Variants in GTF2IRD2 observed in about 807,000 individuals in gnomAD.
GTF2IRD2 encodes the protein GTF2I repeat domain containing 2, also known as general transcription factor II-I repeat domain-containing protein 2A.
Under a neutral mutation model 49.2 loss-of-function variants are expected in GTF2IRD2, and 8 were observed. The ratio of observed to expected loss-of-function variants is 0.16; its 90% CI spans 0.10 to 0.29. The LOEUF (loss-of-function observed/expected upper bound fraction) is 0.29. GTF2IRD2 is among the 10% of genes least tolerant of loss of function. The pLI is 1.00. For synonymous variants in GTF2IRD2, 47 were observed against 289.7 expected (o/e 0.16, Z 8.51); for missense variants, 130 against 725.7 (o/e 0.18, Z 9.43).
intron 4 of GTF2IRD2, among the ~76,000 whole-genome samples, chr7:74,823,832 T>G: frequency 7.0e-6 from 1 of 142,854 alleles, no homozygotes; most frequent in Admixed American, 7.1e-5. Flanking sequence ...AGATCCAAGA[T>G]CCACATCATC....
chr7:74,829,887 C>CAAAAAAACAAAAAAAA (rs199938539), intron 3 of GTF2IRD2, among the ~76,000 whole-genome samples: 1 of 59,830 alleles, frequency 1.7e-5, no homozygotes, highest in Non-Finnish European at 3.3e-5. Context: ...GATTCTGTCT[C>CAAAAAAACAAAAAAAA]AAAAAAAAAA....
chr7:74,822,585 T>C, intron 5 of GTF2IRD2, 39 bp downstream of exon 5: 1 of 567,990 alleles, frequency 1.8e-6, no homozygotes, highest in Non-Finnish European at 3.1e-6. Flanking sequence ...GGTTTCATCT[T>C]TAAATGAACT....
chr7:74,839,155 G>C (rs1800560454), intron 1 of GTF2IRD2, among the ~76,000 whole-genome samples: 1 of 28,558 alleles, frequency 3.5e-5, no homozygotes, highest in Non-Finnish European at 5.7e-5. Flanking sequence ...CAACTCCTGG[G>C]CTCAAGCGAT....
chr7:74,812,349 G>A (rs1394178817), intron 9 of GTF2IRD2, among the ~76,000 whole-genome samples: 1 of 44,588 alleles, frequency 2.2e-5, no homozygotes, highest in African/African-American at 4.2e-5. Context: ...TGGAAATAGT[G>A]CCACTGAACT....
intron 1 of GTF2IRD2, among the ~76,000 whole-genome samples, chr7:74,840,753 T>C (rs1321904111): frequency 1.4e-5 from 2 of 138,332 alleles, no homozygotes; most frequent in Admixed American, 1.5e-4. Context: ...CCTGATGCAC[T>C]GGTCCCCACG....
chr7:74,818,461 T>C (rs1177453927), intron 8 of GTF2IRD2, among the ~76,000 whole-genome samples: 20 of 139,884 alleles, frequency 1.4e-4, no homozygotes, highest in South Asian at 2.3e-4. Flanking sequence ...TCTCTCTCTT[T>C]TTTTTTTTTT....
At chr7:74,847,500 T>C (rs1801382324) in intron 1 of GTF2IRD2, among the ~76,000 whole-genome samples, 1 of 18,834 alleles carries the variant, frequency 5.3e-5, no homozygotes, top group African/African-American at 2.5e-4. Flanking sequence ...GAGTTCCATA[T>C]CAGCCTGGCC....
intron 1 of GTF2IRD2, among the ~76,000 whole-genome samples, chr7:74,850,384 A>C (rs1405477337): frequency 4.1e-5 from 1 of 24,462 alleles, no homozygotes; most frequent in African/African-American, 1.7e-4. Flanking sequence ...GAAATTACCC[A>C]AATAGCCATC....
intron 8 of GTF2IRD2, chr7:74,818,778 A>T (rs1408030326): frequency 1.3e-5 from 2 of 151,026 alleles, no homozygotes; most frequent in Admixed American, 6.6e-5. Flanking sequence ...ATTTGAGTAA[A>T]ATAATGGTTC....
intron 3 of GTF2IRD2, among the ~76,000 whole-genome samples, chr7:74,831,082 T>C (rs1554420319): frequency 1.3e-5 from 2 of 150,400 alleles, no homozygotes; most frequent in African/African-American, 4.9e-5. Context: ...ATCAATTACA[T>C]ACTGTATTAT....
intron 15 of GTF2IRD2, among the ~76,000 whole-genome samples, 190 bp from the exon 16 acceptor site, chr7:74,798,455 T>C (rs782232503): frequency 1.3e-5 from 2 of 151,798 alleles, no homozygotes; most frequent in Admixed American, 6.6e-5. Flanking sequence ...GCTGCCAGGA[T>C]GCCAGCTGTG....
Position 74,797,113 on chromosome 7 carries a change from C to G in GTF2IRD2, c.2399G>C (p.Arg800Thr). The change falls in exon 16 of 16, where the codon AGG becomes ACG. Residue 800 changes from arginine to threonine, a missense_variant. Physicochemically the swap from Arg to Thr is moderately conservative, Grantham distance 71. Transcript: ENST00000451013. ...KLCLWETHLTRNNLAHFPTLK... is the reference protein window; with the variant it reads ...KLCLWETHLTTNNLAHFPTLK... ...GGTGGGAAAGTGGGCCAGATTATTC[C>G]TCGTCAAATGAGTCTCCCAGAGGCA... The G allele has an allele frequency of 6.5e-7, 1 of 1,543,942 alleles. No individual in the cohort carries two copies. Among genetic ancestry groups the G allele is most frequent in the East Asian group, 2.3e-5 (1 of 43,918 alleles).
chr7:74,825,253 G>A (rs1271977631), intron 3 of GTF2IRD2, among the ~76,000 whole-genome samples: 1 of 124,896 alleles, frequency 8.0e-6, no homozygotes, highest in Non-Finnish European at 1.6e-5. Context: ...TAAAGAAATA[G>A]TAGTAGTTTA....
rs2131841799 is a variant in GTF2IRD2, at chr7:74,851,350, G to C, written c.-6+17C>G. 4.2e-5 allele frequency: 2 copies of C among 47,774 alleles called. 1 individual carries two copies. The highest frequency in any genetic ancestry group is 7.3e-5 in the Non-Finnish European group (2 of 27,526). The allele number at this position is 47,774 out of a possible 1,614,324, so 3.0% of individuals were successfully genotyped here. On this transcript the variant is annotated intron_variant, in intron 1 of 15. Coordinates refer to ENST00000451013, the MANE Select transcript of GTF2IRD2 (RefSeq NM_173537.5). The stretch of plus-strand genomic sequence containing the variant: ...CGCCCTTAATGGCGGCGTCGGCGGC[G>C]GGGGCGGGGTACGCACCTGAGGGCG...
intron 15 of GTF2IRD2, among the ~76,000 whole-genome samples, chr7:74,798,711 G>A (rs1797228573): frequency 7.2e-6 from 1 of 139,266 alleles, no homozygotes; most frequent in Non-Finnish European, 1.5e-5. Flanking sequence ...ATTTCACCAT[G>A]TTGTCCAGGC....
In GTF2IRD2 at chr7:74,842,765, G is replaced by A. The variant is rs587659793; in HGVS notation, c.-5-6382C>T. On this transcript the variant is annotated intron_variant, in intron 1 of 15. Transcript: ENST00000451013. The stretch of plus-strand genomic sequence containing the variant: ...AAAGAGGTCTCACTATGTTGCCCAC[G>A]CTGGTCTCAAACTCCTGGGCTCAAA... Among the ~76,000 whole-genome samples, 35 of 145,412 alleles carry A rather than the reference G, an allele frequency of 2.4e-4. 3 individuals are homozygous for A. Among genetic ancestry groups the A allele is most frequent in the Middle Eastern group, 3.8e-3 (1 of 260 alleles).
chr7:74,809,656 A>AC (rs1554417521), intron 10 of GTF2IRD2, among the ~76,000 whole-genome samples: 1 of 34,070 alleles, frequency 2.9e-5, no homozygotes, highest in African/African-American at 1.7e-4. Flanking sequence ...AAAAAAAAAA[A>AC]CAGAATCATT....
chr7:74,797,727 G>C lies in GTF2IRD2; in HGVS notation c.1785C>G (p.Ile595Met). Residue 595 changes from isoleucine (I) to methionine (M), a missense_variant, in exon 16 of 16, where the codon ATC becomes ATG. Physicochemically the swap from Ile to Met is conservative, Grantham distance 10. Transcript: ENST00000451013. ...PMTGTKSGNEIFSRVEKSLKN... is the reference protein window; with the variant it reads ...PMTGTKSGNEMFSRVEKSLKN... ...TCAGGCTTTTCTCAACACGCGAAAA[G>C]ATCTCGTTGCCAGATTTTGTACCCG... is the stretch of plus-strand genomic sequence containing the variant. 1 of 1,601,538 alleles carries C rather than the reference G, an allele frequency of 6.2e-7. No homozygotes were observed. Among genetic ancestry groups the C allele is most frequent in the Non-Finnish European group, 8.5e-7 (1 of 1,175,202 alleles).
At chr7:74,840,885 T>C (rs1800763843) in intron 1 of GTF2IRD2, among the ~76,000 whole-genome samples, 1 of 125,844 alleles carries the variant, frequency 7.9e-6, no homozygotes, top group South Asian at 2.7e-4. Flanking sequence ...TCTTACTCTG[T>C]CACCCAGGCT....
Sources: gnomAD v4.1 joint callset for allele counts (sites outside exome capture counted in the v4.1 genomes callset) on GRCh38, gnomAD v4.1.1 for gene constraint, MANE v1.5 for transcripts, NCBI Gene and HGNC (gene_info 2026-07-23, HGNC 2026-07-21) for gene names.